The following ITGBL1 variants were observed in gnomAD, a reference collection of about 807,000 sequenced individuals.
ITGBL1 encodes integrin beta-like protein 1.
A neutral mutation model predicts 68.5 loss-of-function variants in ITGBL1; 51 were observed. The ratio of observed to expected loss-of-function variants is 0.74; its 90% CI spans 0.59 to 0.94. The LOEUF (loss-of-function observed/expected upper bound fraction) is 0.94, where lower values mean the gene tolerates loss of function less well. ITGBL1 is among the 40% of genes least tolerant of loss of function. The pLI is 0.00. For synonymous variants in ITGBL1, 209 were observed against 227.3 expected (o/e 0.92, Z 0.72); for missense variants, 649 against 647.4 (o/e 1.00, Z -0.03).
chr13:101,642,113 T>A (rs1389026862), intron 7 of ITGBL1, among the ~76,000 whole-genome samples: 1 of 151,636 alleles, frequency 6.6e-6, no homozygotes, highest in Non-Finnish European at 1.5e-5. Context: ...GTATTTCTAG[T>A]TCTAGATCCC....
chr13:101,584,926 A>T (rs2050526085), intron 6 of ITGBL1, among the ~76,000 whole-genome samples: 1 of 151,186 alleles, frequency 6.6e-6, no homozygotes, highest in African/African-American at 2.4e-5. Flanking sequence ...GTTTTATCCT[A>T]AAAAAAATAG....
At chr13:101,572,140 A>T in intron 3 of ITGBL1, among the ~76,000 whole-genome samples, 1 of 152,108 alleles carries the variant, frequency 6.6e-6, no homozygotes, top group Admixed American at 6.6e-5. Flanking sequence ...TCTCATTCTC[A>T]CCTGTCTTTC....
chr13:101,511,588 GCCAGGCCTT>G (rs2049116690), intron 2 of ITGBL1, among the ~76,000 whole-genome samples: 1 of 152,144 alleles, frequency 6.6e-6, no homozygotes, highest in African/African-American at 2.4e-5. Context: ...TAAAGGAAAA[GCCAGGCCTT>G]CCCTGGAGTT....
chr13:101,476,387 C>A (rs1476285510), intron 2 of ITGBL1, among the ~76,000 whole-genome samples: 1 of 151,770 alleles, frequency 6.6e-6, no homozygotes, highest in Non-Finnish European at 1.5e-5. Flanking sequence ...AAAAAATAAT[C>A]TTCACAAAAA....
chr13:101,526,655 TTA>T (rs1046679456), intron 2 of ITGBL1, among the ~76,000 whole-genome samples: 13 of 111,948 alleles, frequency 1.2e-4, no homozygotes, highest in Admixed American at 4.0e-4. Flanking sequence ...AGCATTGAAG[TTA>T]TATGTGTGTG....
Position 101,510,022 on chromosome 13 carries a change from T to C in ITGBL1, c.316+55922T>C, listed in dbSNP as rs890829248. ...CTTTTTTTTCTTTAGGAGTACTAGC[T>C]TTAATTAATTTATCTTTTACTTTCA... On this transcript the variant is annotated intron_variant, in intron 2 of 10. Transcript: ENST00000376180. Among the ~76,000 whole-genome samples, 4 of 152,240 alleles carry C rather than the reference T, an allele frequency of 2.6e-5. No homozygotes were observed. The East Asian group carries it at 7.7e-4, about 29-fold the overall frequency.
chr13:101,636,063 G>A (rs897122832), intron 7 of ITGBL1, among the ~76,000 whole-genome samples: 1 of 151,928 alleles, frequency 6.6e-6, no homozygotes, highest in African/African-American at 2.4e-5. Flanking sequence ...ATCCCAACAG[G>A]CTGAGACCAT....
intron 2 of ITGBL1, among the ~76,000 whole-genome samples, chr13:101,514,840 A>G (rs1011164590): frequency 5.9e-5 from 9 of 151,830 alleles, no homozygotes; most frequent in African/African-American, 2.2e-4. Flanking sequence ...CCTTCTATCC[A>G]CCTTTGCTCC....
At chr13:101,463,905 CT>C (rs200070869) in intron 2 of ITGBL1, among the ~76,000 whole-genome samples, 21,384 of 127,324 alleles carry the variant, frequency 0.17, 1,754 homozygotes, top group East Asian at 0.36. Flanking sequence ...CATTCTAGTT[CT>C]TTTTTTTTTT....
At chr13:101,541,687 A>G (rs1467172317) in intron 2 of ITGBL1, among the ~76,000 whole-genome samples, 1 of 151,964 alleles carries the variant, frequency 6.6e-6, no homozygotes, top group East Asian at 1.9e-4. Flanking sequence ...CTGGTCCTGG[A>G]CTTTTTTTTG....
At chr13:101,473,057 A>G (rs6491623) in intron 2 of ITGBL1, among the ~76,000 whole-genome samples, 92,926 of 151,852 alleles carry the variant, frequency 0.61, 29,390 homozygotes, top group East Asian at 0.94. Context: ...TGCAGAGGTT[A>G]TAAAGATTAA....
intron 2 of ITGBL1, among the ~76,000 whole-genome samples, chr13:101,562,723 C>G (rs1442933021): frequency 2.0e-5 from 3 of 151,842 alleles, no homozygotes; most frequent in African/African-American, 7.2e-5. Context: ...TAGTCAATGT[C>G]AATACTCCTT....
intron 2 of ITGBL1, among the ~76,000 whole-genome samples, chr13:101,491,431 G>A (rs1286355367): frequency 2.0e-5 from 3 of 152,132 alleles, no homozygotes; most frequent in Non-Finnish European, 4.4e-5. Context: ...GTTTTATTCA[G>A]ATTGTTACAT....
At chr13:101,574,799 A>C (rs2050329273) in intron 3 of ITGBL1, among the ~76,000 whole-genome samples, 1 of 152,050 alleles carries the variant, frequency 6.6e-6, no homozygotes, top group Non-Finnish European at 1.5e-5. Context: ...ATGCCTCTCT[A>C]ACGTGGAGGT....
chr13:101,507,120 T>G (rs1212072116), intron 2 of ITGBL1, among the ~76,000 whole-genome samples: 1 of 152,180 alleles, frequency 6.6e-6, no homozygotes, highest in Non-Finnish European at 1.5e-5. Context: ...TCTTCCCACA[T>G]AATATGTAAA....
At chr13:101,564,315 A>G (rs1196096890) in intron 2 of ITGBL1, among the ~76,000 whole-genome samples, 8 of 152,004 alleles carry the variant, frequency 5.3e-5, no homozygotes. Context: ...AGGTTTTTCA[A>G]GTAGATACCA....
At chr13:101,664,583 C>T (rs1288981204) in intron 7 of ITGBL1, among the ~76,000 whole-genome samples, 1 of 152,106 alleles carries the variant, frequency 6.6e-6, no homozygotes, top group Non-Finnish European at 1.5e-5. Context: ...GATCCAGGAT[C>T]AATTTATTGA....
chr13:101,495,357 A>G (rs1021572634), intron 2 of ITGBL1, among the ~76,000 whole-genome samples: 5 of 152,160 alleles, frequency 3.3e-5, no homozygotes, highest in African/African-American at 1.2e-4. Context: ...GGCCCCACAC[A>G]GGTAATGCTC....
At chr13:101,543,879 C>A (rs1287378363) in intron 2 of ITGBL1, among the ~76,000 whole-genome samples, 1 of 152,176 alleles carries the variant, frequency 6.6e-6, no homozygotes, top group Non-Finnish European at 1.5e-5. Flanking sequence ...TCACGTAGTT[C>A]TCGTGCCTTG....
Sources: gnomAD v4.1 joint callset for allele counts (sites outside exome capture counted in the v4.1 genomes callset) on GRCh38, gnomAD v4.1.1 for gene constraint, MANE v1.5 for transcripts, NCBI Gene and HGNC (gene_info 2026-07-23, HGNC 2026-07-21) for gene names.